Variants in PDZRN4 observed in about 807,000 individuals in gnomAD.
PDZRN4 encodes PDZ domain-containing RING finger protein 4.
Under a neutral mutation model 99.0 loss-of-function variants are expected in PDZRN4, and 70 were observed. The observed-to-expected ratio is 0.71, with a 90% CI of 0.58 to 0.86. The LOEUF (loss-of-function observed/expected upper bound fraction) is 0.86. PDZRN4 is among the 40% of genes least tolerant of loss of function. PDZRN4 has a pLI of 0.00. For synonymous variants in PDZRN4, 551 were observed against 501.6 expected, an observed-to-expected ratio of 1.10 and a Z score of -1.32; for missense variants, 1,474 against 1,331.2, an observed-to-expected ratio of 1.11 and a Z score of -1.67.
chr12:41,447,080 A>G (rs1019691829), intron 3 of PDZRN4, among the ~76,000 whole-genome samples: 3 of 152,048 alleles, frequency 2.0e-5, no homozygotes, highest in African/African-American at 4.8e-5. Context: ...CGTCATCCCC[A>G]TGAGACACAA....
intron 3 of PDZRN4, among the ~76,000 whole-genome samples, chr12:41,217,487 T>A (rs751826269): frequency 8.5e-5 from 13 of 152,084 alleles, no homozygotes; most frequent in Non-Finnish European, 1.8e-4. Flanking sequence ...ATGAGTGCTG[T>A]CATTTTTTAA....
intron 3 of PDZRN4, among the ~76,000 whole-genome samples, chr12:41,280,841 C>T (rs186146805): frequency 8.9e-4 from 135 of 152,260 alleles, no homozygotes; most frequent in African/African-American, 3.2e-3. Context: ...AGCGGATCTC[C>T]CAGCACAGCG....
chr12:41,261,721 C>T (rs1330996657), intron 3 of PDZRN4, among the ~76,000 whole-genome samples: 2 of 152,174 alleles, frequency 1.3e-5, no homozygotes, highest in African/African-American at 4.8e-5. Flanking sequence ...GATCTCCTGA[C>T]CTCGTGATCC....
chr12:41,347,720 T>C (rs1024386479), intron 3 of PDZRN4, among the ~76,000 whole-genome samples: 11 of 152,176 alleles, frequency 7.2e-5, no homozygotes, highest in Non-Finnish European at 1.3e-4. Context: ...CATTTACTTA[T>C]CTCAAGGTTA....
intron 3 of PDZRN4, among the ~76,000 whole-genome samples, chr12:41,365,475 G>A (rs1951992818): frequency 6.6e-6 from 1 of 151,870 alleles, no homozygotes; most frequent in Admixed American, 6.6e-5. Flanking sequence ...CATCTTACAG[G>A]AATTCAATTC....
At chr12:41,523,593 C>A (rs184257513) in intron 5 of PDZRN4, among the ~76,000 whole-genome samples, 1 of 152,180 alleles carries the variant, frequency 6.6e-6, no homozygotes, top group East Asian at 1.9e-4. Context: ...GGGGCAACAA[C>A]ATGGTGCCAC....
At chr12:41,525,169 C>T (rs1190017907) in intron 5 of PDZRN4, among the ~76,000 whole-genome samples, 1 of 152,026 alleles carries the variant, frequency 6.6e-6, no homozygotes, top group Non-Finnish European at 1.5e-5. Flanking sequence ...TATTGCAATA[C>T]AGCACTCAGG....
At chr12:41,194,632 G>A (rs1950760103) in intron 3 of PDZRN4, among the ~76,000 whole-genome samples, 1 of 152,190 alleles carries the variant, frequency 6.6e-6, no homozygotes, top group Non-Finnish European at 1.5e-5. Flanking sequence ...AGGCAACAGA[G>A]CAAGACGCTG....
At position 41,204,729 on chromosome 12, in the gene PDZRN4, C is replaced by T. The variant is rs146917531; in HGVS notation, c.843+10541C>T. Among the ~76,000 whole-genome samples, 565 of 152,108 alleles carry T rather than the reference C, an allele frequency of 3.7e-3. 3 individuals are homozygous for T. The highest frequency in any genetic ancestry group is 0.029 in the East Asian group (150 of 5,148). On this transcript the variant is annotated intron_variant, in intron 3 of 9. Transcript: ENST00000402685. ...TACCTTCACCTGGTCTCTCCCTTGA[C>T]GTGGGGATTATGGGAATTACAATTC... is the stretch of plus-strand genomic sequence containing the variant.
chr12:41,408,668 T>G (rs1398264454), intron 3 of PDZRN4, among the ~76,000 whole-genome samples: 5 of 152,182 alleles, frequency 3.3e-5, no homozygotes, highest in Admixed American at 1.3e-4. Flanking sequence ...AAAAACAATA[T>G]GATGTTCTTG....
chr12:41,489,514 G>C (rs767416449), intron 3 of PDZRN4, among the ~76,000 whole-genome samples: 5 of 152,114 alleles, frequency 3.3e-5, no homozygotes, highest in Non-Finnish European at 7.3e-5. Context: ...TGGAGCAGTA[G>C]ATGAACTTAC....
At chr12:41,374,824 A>C (rs1376075903) in intron 3 of PDZRN4, among the ~76,000 whole-genome samples, 3 of 152,200 alleles carry the variant, frequency 2.0e-5, no homozygotes, top group African/African-American at 7.2e-5. Flanking sequence ...TAAAGAGGTG[A>C]AGTTGAAATT....
At chr12:41,362,556 C>T (rs1012356890) in intron 3 of PDZRN4, among the ~76,000 whole-genome samples, 7 of 151,994 alleles carry the variant, frequency 4.6e-5, no homozygotes, top group African/African-American at 1.7e-4. Context: ...TATTCTTTCA[C>T]AGAGTAGCCT....
At chr12:41,462,631 C>T (rs900438505) in intron 3 of PDZRN4, among the ~76,000 whole-genome samples, 1 of 152,060 alleles carries the variant, frequency 6.6e-6, no homozygotes, top group Non-Finnish European at 1.5e-5. Context: ...TAGCCAACCT[C>T]TGAGAAAAAG....
intron 3 of PDZRN4, among the ~76,000 whole-genome samples, chr12:41,329,472 A>AT (rs1268120168): frequency 1.3e-5 from 2 of 151,916 alleles, no homozygotes; most frequent in African/African-American, 4.8e-5. Flanking sequence ...AGCTTGTGAA[A>AT]TTTTTTTCTG....
At chr12:41,322,459 C>T (rs547872151) in intron 3 of PDZRN4, among the ~76,000 whole-genome samples, 2 of 145,444 alleles carry the variant, frequency 1.4e-5, no homozygotes, top group Admixed American at 6.9e-5. Context: ...TTGTATAAAA[C>T]GAACTTTGGA....
In PDZRN4 at chr12:41,374,130, G is replaced by A. The variant is rs150962634; in HGVS notation, c.844-132326G>A. On this transcript the variant is annotated intron_variant, in intron 3 of 9. Transcript: ENST00000402685. The stretch of plus-strand genomic sequence containing the variant: ...ACCTCCTTGAGGACAGGTCTTTGCA[G>A]TGTTTTAGGAAGAGTGATGTGAAAA... Among the ~76,000 whole-genome samples, 51 of 149,270 alleles carry A rather than the reference G, an allele frequency of 3.4e-4. 1 individual carries two copies. The East Asian group carries it at 0.01, about 29-fold the overall frequency.
At chr12:41,522,070 T>C (rs186450102) in intron 5 of PDZRN4, among the ~76,000 whole-genome samples, 61 of 152,236 alleles carry the variant, frequency 4.0e-4, no homozygotes, top group Admixed American at 2.1e-3. Context: ...TTCCTTTGAC[T>C]TGTACATGGC....
intron 3 of PDZRN4, among the ~76,000 whole-genome samples, chr12:41,290,386 A>C (rs1348324746): frequency 6.6e-6 from 1 of 152,206 alleles, no homozygotes; most frequent in Non-Finnish European, 1.5e-5. Flanking sequence ...TGTGGAATAC[A>C]CTTTAAAAGA....
Sources: gnomAD v4.1 joint callset for allele counts (sites outside exome capture counted in the v4.1 genomes callset) on GRCh38, gnomAD v4.1.1 for gene constraint, MANE v1.5 for transcripts, NCBI Gene and HGNC (gene_info 2026-07-23, HGNC 2026-07-21) for gene names.